Variants in ESRRG observed in about 807,000 individuals in gnomAD.
ESRRG encodes estrogen-related receptor gamma.
Under a neutral mutation model 44.0 loss-of-function variants are expected in ESRRG, and 13 were observed. The observed-to-expected ratio is 0.30, with a 90% CI of 0.19 to 0.47. The LOEUF is 0.47. Among genes scored for constraint, ESRRG ranks in the 20% least tolerant of loss-of-function variants. The pLI is 1.00. For missense variants in ESRRG, 395 were observed against 580.6 expected (o/e 0.68, Z 3.29); for synonymous variants, 215 against 214.6 (o/e 1.00, Z -0.02).
At chr1:217,049,064 G>C (rs2085422917) in intron 1 of ESRRG, among the ~76,000 whole-genome samples, 1 of 152,024 alleles carries the variant, frequency 6.6e-6, no homozygotes, top group South Asian at 2.1e-4. Flanking sequence ...CAGGGCCCTG[G>C]TCATCATGGT....
At chr1:216,632,302 T>C (rs573387164) in intron 3 of ESRRG, among the ~76,000 whole-genome samples, 12 of 152,362 alleles carry the variant, frequency 7.9e-5, no homozygotes, top group East Asian at 7.7e-4. Context: ...ATGCAACTTA[T>C]GTATCTATAG....
rs1387586476 is a variant in ESRRG, at chr1:216,610,418, G to T, written c.589+40555C>A. Reference sequence around the variant, plus strand: ...CTTGCAGGGCTTGAAGGCATTTGAAGAATATTTAAAGGAACATTTTTTTTT... The same window carrying T: ...CTTGCAGGGCTTGAAGGCATTTGAATAATATTTAAAGGAACATTTTTTTTT... On this transcript the variant is annotated intron_variant, in intron 3 of 6. Transcript: ENST00000408911. Among the ~76,000 whole-genome samples the T allele has an allele frequency of 5.9e-5, 9 of 152,206 alleles. No homozygotes were observed. In the South Asian group the frequency reaches 8.3e-4, roughly 14 times the overall value.
intron 5 of ESRRG, among the ~76,000 whole-genome samples, chr1:216,524,324 A>G (rs947902611): frequency 6.9e-6 from 1 of 145,484 alleles, no homozygotes; most frequent in Non-Finnish European, 1.5e-5. Context: ...CATGAACTGG[A>G]ACTCAGTAGG....
chr1:217,019,019 C>T (rs1451319959), intron 1 of ESRRG, among the ~76,000 whole-genome samples: 1 of 152,142 alleles, frequency 6.6e-6, no homozygotes, highest in East Asian at 1.9e-4. Flanking sequence ...AACTTTTCAT[C>T]AAAACTACAG....
intron 2 of ESRRG, among the ~76,000 whole-genome samples, chr1:216,666,729 G>C (rs2151319747): frequency 6.6e-6 from 1 of 152,304 alleles, no homozygotes; most frequent in South Asian, 2.1e-4. Context: ...CCCGCTTCCT[G>C]AAAGTCCACT....
chr1:217,029,065 A>G (rs867632823), intron 1 of ESRRG, among the ~76,000 whole-genome samples: 65 of 152,190 alleles, frequency 4.3e-4, no homozygotes, highest in Admixed American at 7.9e-4. Context: ...AACTTAAAAA[A>G]AAAAAAGAAG....
chr1:216,610,296 C>T (rs1224930622), intron 3 of ESRRG, among the ~76,000 whole-genome samples: 2 of 150,680 alleles, frequency 1.3e-5, no homozygotes, highest in African/African-American at 2.4e-5. Context: ...GGCAGGATAA[C>T]GCTGAGCTGA....
intron 3 of ESRRG, among the ~76,000 whole-genome samples, chr1:216,643,302 C>A (rs1265513455): frequency 1.3e-5 from 2 of 152,128 alleles, no homozygotes; most frequent in Non-Finnish European, 2.9e-5. Flanking sequence ...AAAATATACT[C>A]CATGGACTGT....
intron 1 of ESRRG, among the ~76,000 whole-genome samples, chr1:216,679,301 T>C (rs986667210): frequency 6.6e-6 from 1 of 152,214 alleles, no homozygotes; most frequent in African/African-American, 2.4e-5. Context: ...TTGTAATTAA[T>C]AGATCGCTCT....
intron 2 of ESRRG, chr1:216,854,946 C>T (rs1234749189): frequency 2.6e-5 from 4 of 152,104 alleles, no homozygotes; most frequent in African/African-American, 4.8e-5. Context: ...TTTTTGCTCA[C>T]GTTTGGTTGC....
intron 3 of ESRRG, among the ~76,000 whole-genome samples, chr1:216,583,483 T>C (rs942468692): frequency 6.6e-6 from 1 of 152,222 alleles, no homozygotes; most frequent in South Asian, 2.1e-4. Context: ...GAAGTTGTCA[T>C]TGCAGTGCCC....
intron 1 of ESRRG, among the ~76,000 whole-genome samples, chr1:217,011,654 A>T (rs1353767389): frequency 6.6e-6 from 1 of 151,764 alleles, no homozygotes; most frequent in African/African-American, 2.4e-5. Flanking sequence ...TGTCTTGGAG[A>T]AGACATAATG....
chr1:216,779,836 A>G (rs1470805499), intron 2 of ESRRG, among the ~76,000 whole-genome samples: 2 of 151,552 alleles, frequency 1.3e-5, no homozygotes, highest in Non-Finnish European at 2.9e-5. Flanking sequence ...ATGACCTTGG[A>G]CAGCTGGCTT....
chr1:217,002,108 C>T (rs979885387), intron 1 of ESRRG, among the ~76,000 whole-genome samples: 1 of 151,770 alleles, frequency 6.6e-6, no homozygotes, highest in South Asian at 2.1e-4. Context: ...TTGAGACCAG[C>T]CTGGTCAACA....
At chr1:216,908,031 C>T (rs1038320789) in intron 2 of ESRRG, among the ~76,000 whole-genome samples, 18 of 152,186 alleles carry the variant, frequency 1.2e-4, no homozygotes, top group African/African-American at 4.3e-4. Context: ...TATTAAAAGG[C>T]TCACCATTAA....
chr1:217,102,191 A>G (rs563566165), intron 1 of ESRRG, among the ~76,000 whole-genome samples: 2 of 152,288 alleles, frequency 1.3e-5, no homozygotes, highest in Admixed American at 1.3e-4. Context: ...TAACAACCTT[A>G]TGCAATAGGT....
intron 3 of ESRRG, among the ~76,000 whole-genome samples, chr1:216,616,228 T>C (rs1019058142): frequency 6.6e-6 from 1 of 152,052 alleles, no homozygotes; most frequent in Admixed American, 6.6e-5. Context: ...ACCTCAAAGC[T>C]ACCCAAACCC....
chr1:217,079,736 G>A (rs573464837), intron 1 of ESRRG, among the ~76,000 whole-genome samples: 4 of 152,242 alleles, frequency 2.6e-5, no homozygotes, highest in East Asian at 1.9e-4. Flanking sequence ...TTACCACAGC[G>A]CCTGGCACGC....
intron 1 of ESRRG, among the ~76,000 whole-genome samples, chr1:217,067,048 G>A (rs191825246): frequency 1.3e-3 from 197 of 152,184 alleles, no homozygotes; most frequent in Non-Finnish European, 1.7e-3. Flanking sequence ...AACAAGTTAC[G>A]GTGAGCAAAA....
Sources: gnomAD v4.1 joint callset for allele counts (sites outside exome capture counted in the v4.1 genomes callset) on GRCh38, gnomAD v4.1.1 for gene constraint, MANE v1.5 for transcripts, NCBI Gene and HGNC (gene_info 2026-07-23, HGNC 2026-07-21) for gene names.